Variants in TJP3 observed in about 807,000 individuals in gnomAD.
The protein encoded by TJP3 is tight junction protein ZO-3.
Under a neutral mutation model 104.2 loss-of-function variants are expected in TJP3, and 85 were observed. That is an observed-to-expected ratio of 0.82 (90% CI 0.68 to 0.98). The LOEUF is 0.98. Among genes scored for constraint, TJP3 ranks in the 50% least tolerant of loss-of-function variants. TJP3 has a pLI of 0.00. For missense variants in TJP3, 1,367 were observed against 1,322.8 expected (o/e 1.03, Z -0.52); for synonymous variants, 550 against 550.6 (o/e 1.00, Z 0.02).
rs1408255176 is a variant in TJP3 at position 3,730,557 on chromosome 19, G to A, written c.464G>A (p.Gly155Asp). The A allele has an allele frequency of 3.7e-6, 6 of 1,604,976 alleles. No homozygotes were observed. Among genetic ancestry groups the A allele is most frequent in the Non-Finnish European group, 5.1e-6 (6 of 1,177,980 alleles). ...CGCCGGCCGAGGCCTGGTCGCCGGG[G>A]CCGGGCCGGCAGCCATGGGCGTAGG... ...RSRRPRPGRR[G>D]RAGSHGRRSP... is the part of the protein sequence containing the mutation. Residue 155 changes from glycine to aspartate, a missense_variant, in exon 5 of 21, where the codon GGC becomes GAC. Coordinates refer to ENST00000541714, the MANE Select transcript of TJP3 (RefSeq NM_001267560.2). The surrounding 1 kb of genome is among the most constrained non-coding windows in gnomAD (Gnocchi z 7.3).
At chr19:3,734,510 A>G in intron 8 of TJP3, 75 bp downstream of exon 8, 1 of 1,361,856 alleles carries the variant, frequency 7.3e-7, no homozygotes, top group Non-Finnish European at 9.9e-7. Flanking sequence ...ACGCGGGCGT[A>G]GCTTTCCAAC....
chr19:3,732,653 G>A (rs1267356974), intron 6 of TJP3, among the ~76,000 whole-genome samples: 6 of 151,910 alleles, frequency 3.9e-5, no homozygotes, highest in Admixed American at 6.6e-5. Context: ...GGGATTACAG[G>A]TGCCCGCCAC....
intron 15 of TJP3, 151 bp from the exon 16 acceptor site, chr19:3,745,860 G>T: frequency 1.5e-6 from 1 of 657,018 alleles, no homozygotes; most frequent in East Asian, 2.7e-5. Flanking sequence ...CTGGCACTTG[G>T]CCAACATGAG....
rs142670553 is a variant in TJP3, at chr19:3,743,920, CTG to C, written c.1844-15_1844-14del. On this transcript the variant is annotated splice_polypyrimidine_tract_variant and intron_variant, in intron 14 of 20. Transcript: ENST00000541714. Reference sequence around the variant, plus strand: ...CGCAAATGGGACCCTGATTCTTTCACTGTGTCTCTACCCCTCAGCCAGTTTCA... The same window carrying C: ...CGCAAATGGGACCCTGATTCTTTCACTGTCTCTACCCCTCAGCCAGTTTCA... 609 of 1,612,406 alleles carry C rather than the reference CTG, an allele frequency of 3.8e-4. 2 individuals are homozygous for C. The African/African-American group carries it at 7.4e-3, about 20-fold the overall frequency.
chr19:3,733,029 T>C (rs940979672), intron 6 of TJP3, among the ~76,000 whole-genome samples: 42 of 150,018 alleles, frequency 2.8e-4, no homozygotes, highest in African/African-American at 1.0e-3. Flanking sequence ...TCTCTTCTCT[T>C]TTTTCTTTTC....
chr19:3,714,333 C>T (rs1223697703), intron 1 of TJP3, among the ~76,000 whole-genome samples: 2 of 151,798 alleles, frequency 1.3e-5, no homozygotes, highest in African/African-American at 4.8e-5. Flanking sequence ...GCACGTGCCA[C>T]TACGCTTGGC....
At chr19:3,740,997 T>C (rs2036808687) in intron 14 of TJP3, among the ~76,000 whole-genome samples, 1 of 152,008 alleles carries the variant, frequency 6.6e-6, no homozygotes, top group Non-Finnish European at 1.5e-5. Flanking sequence ...TTTATTTATT[T>C]ATTTTTGTTT....
chr19:3,735,009 T>C (rs1005342153), intron 8 of TJP3, among the ~76,000 whole-genome samples: 8 of 152,044 alleles, frequency 5.3e-5, no homozygotes, highest in African/African-American at 1.7e-4. Context: ...GACTGAGTCA[T>C]GTGAGACTGG....
At chr19:3,749,178 A>AT (rs1331039697) in intron 19 of TJP3, among the ~76,000 whole-genome samples, 7 of 151,918 alleles carry the variant, frequency 4.6e-5, no homozygotes, top group Non-Finnish European at 7.4e-5. Flanking sequence ...TCCAGCCAAC[A>AT]TTTTAACCTC....
At position 3,730,589 on chromosome 19, in the gene TJP3, G is replaced by C. The variant is rs779790665; in HGVS notation, c.496G>C (p.Gly166Arg). 6 of 1,610,434 alleles carry C rather than the reference G, an allele frequency of 3.7e-6. No homozygotes were observed. In the East Asian group the frequency reaches 1.3e-4, roughly 36 times the overall value. The change falls in exon 5 of 21, where the codon GGT becomes CGT. Residue 166 changes from glycine to arginine, a missense_variant. By Grantham distance (125) the Gly-to-Arg change is moderately radical (BLOSUM62 -2). Transcript: ENST00000541714. This position sits in a 1 kb window ranked among gnomAD's most constrained non-coding sequence, Gnocchi z 7.3. The stretch of plus-strand genomic sequence containing the variant: ...CGGCAGCCATGGGCGTAGGAGCCCA[G>C]GTGGTGGCTCTGAGGCCAACGGGCT... ...RAGSHGRRSPGGGSEANGLAL... is the reference protein window; with the variant it reads ...RAGSHGRRSPRGGSEANGLAL...
chr19:3,746,154 C>A lies in TJP3; in HGVS notation c.2010+73C>A. The A allele has an allele frequency of 7.0e-7, 1 of 1,427,504 alleles. No homozygotes were observed. The highest frequency in any genetic ancestry group is 9.7e-7 in the Non-Finnish European group (1 of 1,032,742). 88.4% of individuals were successfully genotyped at this position (1,427,504 alleles called of 1,614,324 possible). A position where few individuals can be genotyped will look rare whatever the true frequency, so the allele number is the denominator to read the frequency against. On this transcript the variant is annotated intron_variant, in intron 16 of 20. Transcript: ENST00000541714. The surrounding 1 kb of genome is among the most constrained non-coding windows in gnomAD (Gnocchi z 4.1). ...GAGGCCTGGGCATCCAACTGAATGT[C>A]CTGACCTGTTCTCAGCCCACACCCC...
chr19:3,709,292 C>A (rs1011671647), intron 1 of TJP3, among the ~76,000 whole-genome samples: 2 of 152,150 alleles, frequency 1.3e-5, no homozygotes, highest in Non-Finnish European at 2.9e-5. Context: ...GATGGGGTTT[C>A]ACCATGTTGG....
intron 1 of TJP3, among the ~76,000 whole-genome samples, chr19:3,711,976 G>A (rs571211142): frequency 3.9e-5 from 6 of 151,950 alleles, no homozygotes; most frequent in Admixed American, 2.0e-4. Context: ...GAGAGCCACC[G>A]ACCCGGCCTC....
rs186493656 is a variant in TJP3 at position 3,717,114 on chromosome 19, T to C, written c.-10+8553T>C. ...TCTAGTAGCTGGGATTACAGGCATG[T>C]GCCACCACACCCAGCTAATTTTGTA... On this transcript the variant is annotated intron_variant, in intron 1 of 20. Transcript: ENST00000541714. Among the ~76,000 whole-genome samples the C allele has an allele frequency of 7.9e-4, 116 of 146,518 alleles. 12 individuals carry two copies. The South Asian group carries it at 0.021, about 26-fold the overall frequency.
intron 1 of TJP3, among the ~76,000 whole-genome samples, chr19:3,712,376 G>A (rs1434110165): frequency 6.6e-6 from 1 of 152,164 alleles, no homozygotes; most frequent in Non-Finnish European, 1.5e-5. Context: ...CCATGGGGCA[G>A]GGGGCCCCCT....
At chr19:3,731,566 G>A (rs2036671642) in intron 5 of TJP3, among the ~76,000 whole-genome samples, 1 of 152,196 alleles carries the variant, frequency 6.6e-6, no homozygotes, top group Non-Finnish European at 1.5e-5. Context: ...CCGGGAGGTA[G>A]AGGTTGCAGT....
At chr19:3,726,950 C>T (rs909796665) in intron 1 of TJP3, among the ~76,000 whole-genome samples, 3 of 151,108 alleles carry the variant, frequency 2.0e-5, no homozygotes, top group East Asian at 4.0e-4. Context: ...AGCCGGGCAT[C>T]GTGATGTGTG....
intron 11 of TJP3, 41 bp downstream of exon 11, chr19:3,736,362 G>C: frequency 1.3e-6 from 2 of 1,486,078 alleles, no homozygotes; most frequent in African/African-American, 2.8e-5. Context: ...GATCATGGGC[G>C]TGCAGTGTGC....
intron 1 of TJP3, among the ~76,000 whole-genome samples, chr19:3,710,187 T>C (rs2036421211): frequency 7.0e-6 from 1 of 142,334 alleles, no homozygotes; most frequent in Non-Finnish European, 1.5e-5. Flanking sequence ...GGATATGGAG[T>C]CACCAAGGCA....
Sources: gnomAD v4.1 joint callset for allele counts (sites outside exome capture counted in the v4.1 genomes callset) on GRCh38, gnomAD v4.1.1 for gene constraint, Gnocchi (gnomAD v3.1) non-coding constraint, MANE v1.5 for transcripts, NCBI Gene and HGNC (gene_info 2026-07-23, HGNC 2026-07-21) for gene names.